RGS6: variants seen among roughly 807,000 people sequenced by gnomAD.
RGS6 encodes the protein regulator of G protein signaling 6, also known as regulator of G-protein signaling 6.
In RGS6, 30 loss-of-function variants were observed where a neutral mutation model predicts 78.5. That is an observed-to-expected ratio of 0.38 (90% CI 0.29 to 0.52). The LOEUF is 0.52. Among genes scored for constraint, RGS6 ranks in the 20% least tolerant of loss-of-function variants. The pLI is 0.85. For missense variants in RGS6, 495 were observed against 609.7 expected (o/e 0.81, Z 1.98); for synonymous variants, 206 against 206.0 (o/e 1.00, Z 0.00).
At chr14:72,234,011 C>T (rs1038279661) in intron 2 of RGS6, among the ~76,000 whole-genome samples, 5 of 152,032 alleles carry the variant, frequency 3.3e-5, no homozygotes, top group African/African-American at 1.2e-4. Context: ...AGGGAACGAA[C>T]GGGCATAGTT....
rs574698500 is a variant in RGS6, at chr14:72,291,317, C to A, written c.85-60778C>A. Among the ~76,000 whole-genome samples the A allele has an allele frequency of 3.3e-5, 5 of 152,052 alleles. 1 individual carries two copies. The highest frequency in any genetic ancestry group is 3.3e-4 in the Admixed American group (5 of 15,280). On this transcript the variant is annotated intron_variant, in intron 2 of 17. Coordinates refer to ENST00000553525, the MANE Select transcript of RGS6 (RefSeq NM_001204424.2). ...TCATTTCAACCAGACTGTCCTTTTT[C>A]TTTTCCCACCTAAGGAAATTCTATT...
At chr14:72,617,675 G>A in the RGS6 span, among the ~76,000 whole-genome samples, 2 of 152,188 alleles carry the variant, frequency 1.3e-5, no homozygotes, top group South Asian at 4.1e-4. Flanking sequence ...AGGCTGCCCT[G>A]GGTCCACTGG....
intron 1 of RGS6, among the ~76,000 whole-genome samples, chr14:71,960,625 A>G (rs2093121573): frequency 6.6e-6 from 1 of 152,268 alleles, no homozygotes; most frequent in South Asian, 2.1e-4. Context: ...CCTGATAGAC[A>G]AGTAAACAAA....
At chr14:72,629,559 T>C in the RGS6 span, 12 of 1,437,516 alleles carry the variant, frequency 8.3e-6, 1 homozygote, top group South Asian at 1.3e-4. Flanking sequence ...TTCCTTCCTC[T>C]TCACCCCTCA....
chr14:72,260,646 C>G (rs902907712), intron 2 of RGS6, among the ~76,000 whole-genome samples: 2 of 152,154 alleles, frequency 1.3e-5, no homozygotes, highest in African/African-American at 4.8e-5. Flanking sequence ...GAGCTCTGAT[C>G]TAGAGATAGG....
intron 13 of RGS6, among the ~76,000 whole-genome samples, chr14:72,504,879 G>T (rs1296240116): frequency 6.7e-6 from 1 of 148,858 alleles, no homozygotes; most frequent in Non-Finnish European, 1.5e-5. Context: ...TGAGCCTCCT[G>T]AGTAGCTGGG....
chr14:72,589,057 TAGA>T, the RGS6 span, among the ~76,000 whole-genome samples: 2 of 152,164 alleles, frequency 1.3e-5, no homozygotes, highest in Non-Finnish European at 2.9e-5. Flanking sequence ...AAACCATTCA[TAGA>T]AGAGGGAAAA....
chr14:72,208,750 C>T (rs747418801), intron 2 of RGS6, among the ~76,000 whole-genome samples: 4 of 152,108 alleles, frequency 2.6e-5, no homozygotes, highest in African/African-American at 4.8e-5. Flanking sequence ...ATCAGCAAGG[C>T]ATAATAGGAT....
chr14:72,187,367 T>A (rs1251139698), intron 2 of RGS6, among the ~76,000 whole-genome samples: 2 of 152,214 alleles, frequency 1.3e-5, no homozygotes, highest in Admixed American at 1.3e-4. Flanking sequence ...ATTGTGCTGA[T>A]TCTATTCCTC....
intron 13 of RGS6, among the ~76,000 whole-genome samples, chr14:72,508,791 A>T (rs12885387): frequency 6.6e-6 from 1 of 151,742 alleles, no homozygotes; most frequent in Non-Finnish European, 1.5e-5. Context: ...GTTGAACTGT[A>T]GGTTCTGATT....
At chr14:72,283,590 C>T (rs1464254755) in intron 2 of RGS6, among the ~76,000 whole-genome samples, 1 of 152,100 alleles carries the variant, frequency 6.6e-6, no homozygotes, top group Non-Finnish European at 1.5e-5. Context: ...TTGCCTTCCA[C>T]CATGATTGTG....
intron 2 of RGS6, among the ~76,000 whole-genome samples, chr14:72,110,689 G>A (rs2095739736): frequency 6.6e-6 from 1 of 152,178 alleles, no homozygotes; most frequent in South Asian, 2.1e-4. Flanking sequence ...TCTATAACCT[G>A]TTGCTTTGGT....
At chr14:72,370,511 C>T (rs1026375051) in intron 3 of RGS6, among the ~76,000 whole-genome samples, 42 of 152,304 alleles carry the variant, frequency 2.8e-4, no homozygotes, top group African/African-American at 9.4e-4. Context: ...GAGGCTACAT[C>T]TTAACCGCAC....
At position 72,065,057 on chromosome 14, in the gene RGS6, T is replaced by C. The variant is rs74332814; in HGVS notation, c.84+100182T>C. ...AAATCCGCGGTGTTTTCACATACAT[T>C]GTGTTTTTAGGGGAAATTTTACCAA... is the stretch of plus-strand genomic sequence containing the variant. On this transcript the variant is annotated intron_variant, in intron 2 of 17. Transcript: ENST00000553525. Among the ~76,000 whole-genome samples, 483 of 152,276 alleles carry C rather than the reference T, an allele frequency of 3.2e-3. 2 individuals carry two copies. The highest frequency in any genetic ancestry group is 6.1e-3 in the Non-Finnish European group (413 of 68,006).
intron 10 of RGS6, among the ~76,000 whole-genome samples, chr14:72,475,814 T>C (rs1598068188): frequency 8.6e-6 from 1 of 116,008 alleles, no homozygotes; most frequent in Non-Finnish European, 1.8e-5. Flanking sequence ...CATGTATGCA[T>C]TAAAAAAAAA....
At chr14:72,007,619 G>A (rs1220068361) in intron 2 of RGS6, among the ~76,000 whole-genome samples, 6 of 151,910 alleles carry the variant, frequency 3.9e-5, no homozygotes, top group East Asian at 3.9e-4. Flanking sequence ...TTTTATGTGC[G>A]GACCAAGACA....
At chr14:72,516,152 C>T (rs2096940132) in intron 14 of RGS6, among the ~76,000 whole-genome samples, 1 of 152,242 alleles carries the variant, frequency 6.6e-6, no homozygotes, top group Non-Finnish European at 1.5e-5. Context: ...TCCTATAGAG[C>T]CAGGTTCCCC....
At chr14:72,308,691 C>T (rs1393018140) in intron 2 of RGS6, among the ~76,000 whole-genome samples, 1 of 152,164 alleles carries the variant, frequency 6.6e-6, no homozygotes, top group Non-Finnish European at 1.5e-5. Flanking sequence ...TCATACAGAG[C>T]ACTTGGCCAT....
At chr14:72,435,442 T>C (rs2094857651) in intron 3 of RGS6, among the ~76,000 whole-genome samples, 1 of 152,214 alleles carries the variant, frequency 6.6e-6, no homozygotes, top group Non-Finnish European at 1.5e-5. Flanking sequence ...CTGATGGGTG[T>C]GGTCAGGTTA....
Sources: gnomAD v4.1 joint callset for allele counts (sites outside exome capture counted in the v4.1 genomes callset) on GRCh38, gnomAD v4.1.1 for gene constraint, MANE v1.5 for transcripts, NCBI Gene and HGNC (gene_info 2026-07-23, HGNC 2026-07-21) for gene names.